MYO18B: variants seen among roughly 807,000 people sequenced by gnomAD.
MYO18B encodes the protein myosin XVIIIB, also known as unconventional myosin-XVIIIb.
In MYO18B, 204 loss-of-function variants were observed where a neutral mutation model predicts 273.0. The observed-to-expected ratio is 0.75, with a 90% CI of 0.67 to 0.84. The LOEUF (loss-of-function observed/expected upper bound fraction) is 0.84. MYO18B is among the 40% of genes least tolerant of loss of function. The probability of loss-of-function intolerance (pLI) is 0.00; values close to 1 mark genes in which losing one functional copy is unlikely to be tolerated. For missense variants in MYO18B, 3,212 were observed against 3,287.6 expected (o/e 0.98, Z 0.56); for synonymous variants, 1,330 against 1,305.7 (o/e 1.02, Z -0.40).
chr22:25,760,428 A>AC (rs2086270246), intron 1 of MYO18B, among the ~76,000 whole-genome samples: 2 of 149,756 alleles, frequency 1.3e-5, no homozygotes, highest in African/African-American at 4.9e-5. Context: ...AAAAAAAAAA[A>AC]AAAAAACACA....
chr22:25,797,889 T>G, intron 11 of MYO18B, 64 bp from the exon 12 acceptor site: 1 of 1,609,974 alleles, frequency 6.2e-7, no homozygotes, highest in Non-Finnish European at 8.5e-7. Context: ...CAGCTTCAAG[T>G]TGTGAGCTTG....
chr22:25,785,017 T>C (rs149184772), intron 10 of MYO18B, among the ~76,000 whole-genome samples: 1 of 152,290 alleles, frequency 6.6e-6, no homozygotes, highest in Non-Finnish European at 1.5e-5. Context: ...TTGTCAACTG[T>C]AAAATGGAAA....
At chr22:25,793,459 G>A (rs536625077) in intron 11 of MYO18B, among the ~76,000 whole-genome samples, 202 of 151,956 alleles carry the variant, frequency 1.3e-3, no homozygotes, top group African/African-American at 4.5e-3. Context: ...GGCTGGTCTC[G>A]AACTCCTAGA....
intron 34 of MYO18B, among the ~76,000 whole-genome samples, chr22:25,931,234 G>C (rs971940737): frequency 6.6e-6 from 1 of 152,154 alleles, no homozygotes; most frequent in African/African-American, 2.4e-5. Context: ...TAAAAACATG[G>C]TTATCACAGG....
intron 39 of MYO18B, among the ~76,000 whole-genome samples, chr22:25,991,805 C>T (rs918376427): frequency 1.3e-5 from 2 of 152,186 alleles, no homozygotes; most frequent in African/African-American, 2.4e-5. Flanking sequence ...GAAAGAGCTC[C>T]GTAAATGCCC....
At chr22:25,955,139 C>T (rs745934893) in intron 38 of MYO18B, 40 bp from the exon 39 acceptor site, 2 of 1,527,798 alleles carry the variant, frequency 1.3e-6, no homozygotes, top group Non-Finnish European at 1.8e-6. Flanking sequence ...TACCCCTGGC[C>T]TCCAACTCCA....
chr22:25,811,169 G>C (rs962449392), intron 12 of MYO18B, among the ~76,000 whole-genome samples: 1 of 150,074 alleles, frequency 6.7e-6, no homozygotes, highest in Non-Finnish European at 1.5e-5. Context: ...GGCCGCCACT[G>C]TGCCCGGCTA....
At chr22:25,922,636 G>A (rs554106633) in intron 34 of MYO18B, among the ~76,000 whole-genome samples, 1 of 152,248 alleles carries the variant, frequency 6.6e-6, no homozygotes, top group African/African-American at 2.4e-5. Context: ...CCTTCCTCCA[G>A]TCAGAGGCTG....
intron 34 of MYO18B, among the ~76,000 whole-genome samples, chr22:25,938,114 C>T (rs2092602659): frequency 1.3e-5 from 2 of 152,082 alleles, no homozygotes; most frequent in Non-Finnish European, 2.9e-5. Flanking sequence ...ATTTTTAAAT[C>T]CCCTCAGTTG....
At chr22:25,858,947 T>G (rs1017432806) in intron 21 of MYO18B, among the ~76,000 whole-genome samples, 1 of 152,212 alleles carries the variant, frequency 6.6e-6, no homozygotes, top group African/African-American at 2.4e-5. Flanking sequence ...ACTGGCTGTG[T>G]GACATTTGAC....
chr22:26,061,834 G>C, the MYO18B span, among the ~76,000 whole-genome samples: 1 of 152,056 alleles, frequency 6.6e-6, no homozygotes, highest in African/African-American at 2.4e-5. Flanking sequence ...GTCAACATTT[G>C]AATCTTGGCC....
chr22:25,828,812 C>T lies in MYO18B; in HGVS notation c.2823C>T (p.Ile941=). The change falls in exon 15 of 44, where the codon ATC becomes ATT. Residue 941 remains isoleucine (I), a synonymous_variant. Transcript: ENST00000335473. ...FSSHHLSMAS[I]MVVDSPGFQN... ...CCCACCATCTCTCCATGGCCTCCAT[C>T]ATGGTGGTGGACTCTCCAGGCTTCC... The T allele has an allele frequency of 6.2e-7, 1 of 1,613,960 alleles. No homozygotes were observed. Among genetic ancestry groups the T allele is most frequent in the Non-Finnish European group, 8.5e-7 (1 of 1,179,892 alleles).
At position 25,768,693 on chromosome 22, in the gene MYO18B, G is replaced by T. The variant is rs2086601273; in HGVS notation, c.777G>T (p.Gln259His). 6.4e-7 allele frequency: 1 copy of T among 1,568,592 alleles called. No individual in the cohort carries two copies. The highest frequency in any genetic ancestry group is 8.6e-7 in the Non-Finnish European group (1 of 1,159,674). Residue 259 changes from glutamine (Q) to histidine (H), a missense_variant, in exon 4 of 44, where the codon CAG becomes CAT. Transcript: ENST00000335473. ...CAGAGCTGAAAGAGGCTGAGCCCCA[G>T]GGCAAAGACAGGCAGGGGACCAGGC... ...KTTELKEAEP[Q>H]GKDRQGTRPQ...
chr22:25,784,867 A>G (rs962765943), intron 10 of MYO18B, among the ~76,000 whole-genome samples: 23 of 152,168 alleles, frequency 1.5e-4, no homozygotes, highest in Admixed American at 1.4e-3. Context: ...TAAAGTGCAG[A>G]CTGAGGCCGG....
intron 20 of MYO18B, among the ~76,000 whole-genome samples, chr22:25,850,580 AT>A (rs1305807091): frequency 1.3e-5 from 2 of 151,726 alleles, no homozygotes; most frequent in South Asian, 2.1e-4. Context: ...CTATAAAATA[AT>A]TTTTTTTCTT....
At chr22:26,043,979 C>T in the MYO18B span, among the ~76,000 whole-genome samples, 1 of 152,204 alleles carries the variant, frequency 6.6e-6, no homozygotes, top group Admixed American at 6.5e-5. Flanking sequence ...CCAGCTCCTC[C>T]ACATGCTTAG....
chr22:25,852,125 A>C (rs996653358), intron 21 of MYO18B, among the ~76,000 whole-genome samples: 2 of 152,192 alleles, frequency 1.3e-5, no homozygotes, highest in Non-Finnish European at 2.9e-5. Flanking sequence ...CAAAATGTTT[A>C]GGAAATATTT....
At chr22:25,761,650 T>A (rs2086323067) in intron 2 of MYO18B, among the ~76,000 whole-genome samples, 1 of 152,178 alleles carries the variant, frequency 6.6e-6, no homozygotes, top group Admixed American at 6.5e-5. Flanking sequence ...TGCCTCTTTC[T>A]AAGATGCCTG....
chr22:25,997,288 G>A (rs1933357992), intron 40 of MYO18B, among the ~76,000 whole-genome samples: 1 of 88,954 alleles, frequency 1.1e-5, no homozygotes, highest in Non-Finnish European at 1.9e-5. Context: ...CTGGGCAACA[G>A]AGTGAAACTC....
Sources: allele counts gnomAD v4.1 joint callset (sites outside exome capture counted in the v4.1 genomes callset), GRCh38; gene constraint gnomAD v4.1.1; transcripts MANE v1.5; gene names NCBI Gene and HGNC (gene_info 2026-07-23, HGNC 2026-07-21).